TMEM108: variants seen among roughly 807,000 people sequenced by gnomAD.
TMEM108 encodes cancer/testis antigen 124.
A neutral mutation model predicts 35.1 loss-of-function variants in TMEM108; 12 were observed. The observed-to-expected ratio is 0.34, with a 90% CI of 0.22 to 0.55. The LOEUF (loss-of-function observed/expected upper bound fraction) is 0.55, where lower values mean the gene tolerates loss of function less well. Ranked by LOEUF, TMEM108 falls within the 20% of genes least tolerant of loss-of-function variation. The probability of loss-of-function intolerance (pLI) is 0.89; values close to 1 mark genes in which losing one functional copy is unlikely to be tolerated. For missense variants in TMEM108, 680 were observed against 753.3 expected, an observed-to-expected ratio of 0.90 and a Z score of 1.14; for synonymous variants, 287 against 308.6, an observed-to-expected ratio of 0.93 and a Z score of 0.73.
chr3:133,158,798 A>G (rs1361829269), intron 2 of TMEM108, among the ~76,000 whole-genome samples: 3 of 152,246 alleles, frequency 2.0e-5, no homozygotes, highest in Non-Finnish European at 4.4e-5. Context: ...ATAGTCAGTC[A>G]TGAGAGGAGC....
intron 2 of TMEM108, among the ~76,000 whole-genome samples, chr3:133,200,144 G>A (rs979330665): frequency 7.2e-5 from 11 of 152,254 alleles, no homozygotes; most frequent in African/African-American, 1.7e-4. Flanking sequence ...GGAGTGACCC[G>A]ATTTTCCAGG....
rs184976185 is a variant in TMEM108, at chr3:133,064,607, G to A, written c.-47+18587G>A. Among the ~76,000 whole-genome samples, 259 of 152,090 alleles carry A rather than the reference G, an allele frequency of 1.7e-3. 2 individuals are homozygous for A. Among genetic ancestry groups the A allele is most frequent in the African/African-American group, 6.1e-3 (254 of 41,498 alleles). ...ATTGTTTTAATACTTCACTTTTAAA[G>A]TTCCACTTTGTATGTAAGAGGACTT... On this transcript the variant is annotated intron_variant, in intron 2 of 5. Coordinates refer to ENST00000321871, the MANE Select transcript of TMEM108 (RefSeq NM_023943.4).
rs939570 is a variant in TMEM108, at chr3:133,092,677, T to A, written c.-47+46657T>A. Among the ~76,000 whole-genome samples, 309 of 152,346 alleles carry A rather than the reference T, an allele frequency of 2.0e-3. 2 individuals are homozygous for A. Among genetic ancestry groups the A allele is most frequent in the African/African-American group, 7.0e-3 (289 of 41,574 alleles). Reference sequence around the variant, plus strand: ...TTCCTAATTCATGGTATAGTCTTGATAATGTTAATAGCAGCAAAATCATTT... The same window carrying A: ...TTCCTAATTCATGGTATAGTCTTGAAAATGTTAATAGCAGCAAAATCATTT... On this transcript the variant is annotated intron_variant, in intron 2 of 5. Coordinates refer to ENST00000321871, the MANE Select transcript of TMEM108 (RefSeq NM_023943.4).
chr3:133,140,325 G>A (rs1436919997), intron 2 of TMEM108, among the ~76,000 whole-genome samples: 1 of 152,136 alleles, frequency 6.6e-6, no homozygotes, highest in Non-Finnish European at 1.5e-5. Context: ...TACGAGCCCT[G>A]CAGGTGCAAT....
chr3:133,094,221 A>ACCCCACCCCCCACCCCCCAC (rs1378631417), intron 2 of TMEM108, among the ~76,000 whole-genome samples: 27 of 34,336 alleles, frequency 7.9e-4, no homozygotes, highest in African/African-American at 2.8e-3. Flanking sequence ...CCCACCTCCC[A>ACCCCACCCCCCACCCCCCAC]CCCCACCCCC....
At chr3:133,237,265 C>T (rs2107657893) in intron 3 of TMEM108, among the ~76,000 whole-genome samples, 1 of 152,186 alleles carries the variant, frequency 6.6e-6, no homozygotes, top group African/African-American at 2.4e-5. Flanking sequence ...TACATGAAGC[C>T]ATCCTTGACT....
At chr3:133,227,549 T>TA (rs199868250) in intron 2 of TMEM108, among the ~76,000 whole-genome samples, 22 of 150,814 alleles carry the variant, frequency 1.5e-4, no homozygotes, top group East Asian at 3.9e-4. Flanking sequence ...GAATTCTTAT[T>TA]AAAAAAAACA....
intron 2 of TMEM108, among the ~76,000 whole-genome samples, chr3:133,093,049 G>A (rs1943969409): frequency 6.6e-6 from 1 of 151,082 alleles, no homozygotes; most frequent in South Asian, 2.1e-4. Flanking sequence ...GAGTGCAGTG[G>A]TGCGATCTTG....
At chr3:133,337,992 A>T (rs2071546558) in intron 3 of TMEM108, among the ~76,000 whole-genome samples, 1 of 152,174 alleles carries the variant, frequency 6.6e-6, no homozygotes, top group African/African-American at 2.4e-5. Flanking sequence ...CAGGCTATTT[A>T]AAAATACACG....
intron 4 of TMEM108, among the ~76,000 whole-genome samples, chr3:133,385,136 A>ATAAT (rs1025251123): frequency 6.6e-6 from 1 of 152,198 alleles, no homozygotes; most frequent in African/African-American, 2.4e-5. Context: ...GAATGAGTTT[A>ATAAT]TAATTATTAT....
chr3:133,302,403 TTTTC>T (rs1410559645), intron 3 of TMEM108, among the ~76,000 whole-genome samples: 2 of 132,178 alleles, frequency 1.5e-5, no homozygotes, highest in African/African-American at 2.6e-5. Context: ...TGAATTTTCT[TTTTC>T]TTTCTTTCTT....
chr3:133,229,883 G>A (rs113340293), intron 3 of TMEM108, among the ~76,000 whole-genome samples: 9 of 152,220 alleles, frequency 5.9e-5, no homozygotes, highest in Admixed American at 3.3e-4. Flanking sequence ...TGGTTTTGTG[G>A]TGGAATAAAG....
Position 133,045,987 on chromosome 3 carries a change from T to C in TMEM108, c.-80T>C, listed in dbSNP as rs971112526. 6.6e-6 allele frequency: 1 copy of C among 152,612 alleles called. No homozygotes were observed. Among genetic ancestry groups the C allele is most frequent in the African/African-American group, 2.4e-5 (1 of 41,438 alleles). The allele number at this position is 152,612 out of a possible 1,614,324, so 9.5% of individuals were successfully genotyped here. A position where few individuals can be genotyped will look rare whatever the true frequency, so the allele number is the denominator to read the frequency against. Reference sequence around the variant, plus strand: ...AGCCGATGGGTCATGAGGATGTAAGTGCGTTTGAAGGCTTCCACACCCTCT... The same window carrying C: ...AGCCGATGGGTCATGAGGATGTAAGCGCGTTTGAAGGCTTCCACACCCTCT... On this transcript the variant is annotated 5_prime_UTR_variant, in exon 2 of 6. Transcript: ENST00000321871.
intron 2 of TMEM108, among the ~76,000 whole-genome samples, chr3:133,050,584 T>C (rs568582175): frequency 1.3e-5 from 2 of 152,240 alleles, no homozygotes; most frequent in East Asian, 3.9e-4. Context: ...TTTAGACCAA[T>C]GTATAATCAC....
intron 2 of TMEM108, among the ~76,000 whole-genome samples, chr3:133,215,960 A>G (rs1416916402): frequency 6.6e-6 from 1 of 152,030 alleles, no homozygotes; most frequent in African/African-American, 2.4e-5. Context: ...CTAAATTTTC[A>G]TATATCATTG....
intron 2 of TMEM108, among the ~76,000 whole-genome samples, chr3:133,052,049 A>G (rs1559816766): frequency 6.6e-6 from 1 of 152,110 alleles, no homozygotes; most frequent in Non-Finnish European, 1.5e-5. Flanking sequence ...TGGGATTTTG[A>G]TTGGGATTTT....
At chr3:133,364,330 A>G (rs1290707354) in intron 3 of TMEM108, among the ~76,000 whole-genome samples, 1 of 152,238 alleles carries the variant, frequency 6.6e-6, no homozygotes, top group Admixed American at 6.5e-5. Flanking sequence ...TGCTTAGCTC[A>G]GACAGGACAG....
intron 2 of TMEM108, among the ~76,000 whole-genome samples, chr3:133,200,564 C>T (rs1945648290): frequency 1.3e-5 from 2 of 152,194 alleles, no homozygotes; most frequent in African/African-American, 4.8e-5. Context: ...CCAATCCTCC[C>T]TGCCTCAACA....
intron 3 of TMEM108, among the ~76,000 whole-genome samples, chr3:133,288,761 A>G (rs115487638): frequency 6.6e-6 from 1 of 152,252 alleles, no homozygotes; most frequent in African/African-American, 2.4e-5. Flanking sequence ...GTTTTTTGAG[A>G]TGGAATCTTG....
Sources: allele counts gnomAD v4.1 joint callset (sites outside exome capture counted in the v4.1 genomes callset), GRCh38; gene constraint gnomAD v4.1.1; transcripts MANE v1.5; gene names NCBI Gene and HGNC (gene_info 2026-07-23, HGNC 2026-07-21).